The following CCSER1 variants were observed in gnomAD, a reference collection of about 807,000 sequenced individuals.
The protein encoded by CCSER1 is serine-rich coiled-coil domain-containing protein 1.
Under a neutral mutation model 82.0 loss-of-function variants are expected in CCSER1, and 41 were observed. That is an observed-to-expected ratio of 0.50 (90% CI 0.39 to 0.65). The LOEUF is 0.65. CCSER1 is among the 30% of genes least tolerant of loss of function. The probability of loss-of-function intolerance (pLI) is 0.00; values close to 1 mark genes in which losing one functional copy is unlikely to be tolerated. For missense variants in CCSER1, 1,119 were observed against 1,064.2 expected (o/e 1.05, Z -0.72); for synonymous variants, 414 against 383.9 (o/e 1.08, Z -0.92).
At chr4:90,800,565 C>T (rs1756671454) in intron 7 of CCSER1, among the ~76,000 whole-genome samples, 1 of 152,188 alleles carries the variant, frequency 6.6e-6, no homozygotes, top group Admixed American at 6.6e-5. Context: ...CTCTTAAATG[C>T]ATTACTTTCT....
At chr4:91,375,185 C>A (rs550459119) in intron 10 of CCSER1, among the ~76,000 whole-genome samples, 1 of 152,232 alleles carries the variant, frequency 6.6e-6, no homozygotes, top group African/African-American at 2.4e-5. Context: ...ATGTTGATTC[C>A]AGCCTCCATG....
chr4:91,340,899 C>A (rs1747681410), intron 10 of CCSER1, among the ~76,000 whole-genome samples: 2 of 152,156 alleles, frequency 1.3e-5, no homozygotes, highest in Admixed American at 1.3e-4. Flanking sequence ...TTTAATATTG[C>A]ATGATTAATA....
chr4:91,371,094 C>T (rs1040408370), intron 10 of CCSER1, among the ~76,000 whole-genome samples: 1 of 152,078 alleles, frequency 6.6e-6, no homozygotes. Context: ...AACTCCTGAC[C>T]TCAGGTGATC....
chr4:90,768,055 C>T (rs1751513813), intron 7 of CCSER1, among the ~76,000 whole-genome samples: 1 of 152,186 alleles, frequency 6.6e-6, no homozygotes, highest in African/African-American at 2.4e-5. Context: ...CCCCTGTTGA[C>T]TTGCTCCACA....
At chr4:90,938,445 A>G (rs1167893888) in intron 9 of CCSER1, among the ~76,000 whole-genome samples, 2 of 152,004 alleles carry the variant, frequency 1.3e-5, no homozygotes, top group African/African-American at 4.8e-5. Flanking sequence ...CTTTAATCTC[A>G]TGTTTGGTAA....
Position 90,811,988 on chromosome 4 carries a change from AT to A in CCSER1, c.2011-3773del, listed in dbSNP as rs1429769826. On this transcript the variant is annotated intron_variant, in intron 7 of 10. Coordinates refer to ENST00000509176, the MANE Select transcript of CCSER1 (RefSeq NM_001145065.2). ...TATACACATATATATATATATATATATAAACACATATATATATATGAGTTTA... is the reference window on the plus strand; with the variant it reads ...TATACACATATATATATATATATATAAAACACATATATATATATGAGTTTA... 1.1e-3 allele frequency among the ~76,000 whole-genome samples: 158 copies of A among 143,454 alleles called. 1 individual carries two copies. The highest frequency in any genetic ancestry group is 1.9e-3 in the Non-Finnish European group (122 of 65,942). 94.1% of individuals were successfully genotyped at this position (143,454 alleles called of 152,430 possible).
intron 10 of CCSER1, among the ~76,000 whole-genome samples, chr4:91,088,227 T>G (rs974305202): frequency 6.6e-6 from 1 of 152,160 alleles, no homozygotes; most frequent in Admixed American, 6.5e-5. Flanking sequence ...TTTATTATGA[T>G]GAATTAATTT....
chr4:90,759,788 C>A (rs1391830994), intron 7 of CCSER1, among the ~76,000 whole-genome samples: 2 of 152,066 alleles, frequency 1.3e-5, no homozygotes, highest in Non-Finnish European at 2.9e-5. Context: ...CTGATAATTT[C>A]TTTCGTCTTC....
intron 9 of CCSER1, among the ~76,000 whole-genome samples, chr4:90,980,505 C>T (rs1736014768): frequency 6.6e-6 from 1 of 151,766 alleles, no homozygotes; most frequent in African/African-American, 2.4e-5. Context: ...TTTTAATAAT[C>T]ACTTTGAATT....
intron 5 of CCSER1, among the ~76,000 whole-genome samples, chr4:90,593,437 T>TAG (rs1560777067): frequency 6.6e-6 from 1 of 152,080 alleles, no homozygotes; most frequent in African/African-American, 2.4e-5. Flanking sequence ...GGCCCGAGGA[T>TAG]AGAGACTCAA....
At chr4:91,409,034 T>C (rs967076739) in intron 10 of CCSER1, among the ~76,000 whole-genome samples, 1 of 152,162 alleles carries the variant, frequency 6.6e-6, no homozygotes, top group Non-Finnish European at 1.5e-5. Context: ...TGTATCATAC[T>C]CCATTCGGAC....
At position 90,925,106 on chromosome 4, in the gene CCSER1, T is replaced by A. The variant is rs370176047; in HGVS notation, c.2172+1659T>A. 6.7e-4 allele frequency among the ~76,000 whole-genome samples: 102 copies of A among 152,310 alleles called. 1 individual carries two copies. The highest frequency in any genetic ancestry group is 2.3e-3 in the African/African-American group (94 of 41,560). ...TATGTGTTTTACAAATAACAACCTT[T>A]GTATCTATAAATCTGCAAGACAGAG... is the stretch of plus-strand genomic sequence containing the variant. On this transcript the variant is annotated intron_variant, in intron 9 of 10. Transcript: ENST00000509176.
chr4:90,784,660 C>T (rs761052392), intron 7 of CCSER1, among the ~76,000 whole-genome samples: 1 of 152,062 alleles, frequency 6.6e-6, no homozygotes, highest in Non-Finnish European at 1.5e-5. Context: ...TACATTTGAC[C>T]CTTGAACAAC....
intron 6 of CCSER1, among the ~76,000 whole-genome samples, chr4:90,645,103 A>T (rs56056127): frequency 6.6e-6 from 1 of 151,924 alleles, no homozygotes; most frequent in African/African-American, 2.4e-5. Context: ...AAAAGAAAAA[A>T]AGACACGATC....
At chr4:90,343,016 T>C (rs1404746832) in intron 3 of CCSER1, among the ~76,000 whole-genome samples, 2 of 152,150 alleles carry the variant, frequency 1.3e-5, no homozygotes, top group Admixed American at 6.5e-5. Flanking sequence ...TCACTGCATT[T>C]TCCCCCAAAT....
intron 7 of CCSER1, among the ~76,000 whole-genome samples, chr4:90,789,500 A>G (rs1179534197): frequency 6.6e-6 from 1 of 151,988 alleles, no homozygotes; most frequent in Non-Finnish European, 1.5e-5. Flanking sequence ...ATGTCTACTG[A>G]TATGGTTTGG....
chr4:91,409,686 T>G (rs1752911937), intron 10 of CCSER1, among the ~76,000 whole-genome samples: 2 of 152,166 alleles, frequency 1.3e-5, no homozygotes, highest in African/African-American at 4.8e-5. Flanking sequence ...CTTTGTCTTT[T>G]TCTTTTTTCT....
At chr4:91,555,741 T>C (rs924791105) in intron 10 of CCSER1, among the ~76,000 whole-genome samples, 8 of 151,226 alleles carry the variant, frequency 5.3e-5, no homozygotes, top group Admixed American at 4.6e-4. Flanking sequence ...AATTTCATCT[T>C]ATTTTATGTT....
chr4:90,978,751 T>C (rs1260316562), intron 9 of CCSER1, among the ~76,000 whole-genome samples: 1 of 151,726 alleles, frequency 6.6e-6, no homozygotes, highest in African/African-American at 2.4e-5. Flanking sequence ...GTGAAGTTTA[T>C]ATGTTTTGTA....
Sources: allele counts gnomAD v4.1 joint callset (sites outside exome capture counted in the v4.1 genomes callset), GRCh38; gene constraint gnomAD v4.1.1; transcripts MANE v1.5; gene names NCBI Gene and HGNC (gene_info 2026-07-23, HGNC 2026-07-21).